The following BICC1 variants were observed in gnomAD, a reference collection of about 807,000 sequenced individuals.
BICC1 encodes the protein protein bicaudal C homolog 1.
A neutral mutation model predicts 111.0 loss-of-function variants in BICC1; 43 were observed. That is an observed-to-expected ratio of 0.39 (90% CI 0.30 to 0.50). BICC1 has a LOEUF of 0.50. Ranked by LOEUF, BICC1 falls within the 20% of genes least tolerant of loss-of-function variation. BICC1 has a pLI of 0.88. For missense variants in BICC1, 1,091 were observed against 1,203.2 expected, an observed-to-expected ratio of 0.91 and a Z score of 1.38; for synonymous variants, 467 against 434.4, an observed-to-expected ratio of 1.07 and a Z score of -0.93.
intron 1 of BICC1, among the ~76,000 whole-genome samples, chr10:58,615,911 T>G (rs910358869): frequency 5.3e-5 from 8 of 152,006 alleles, no homozygotes; most frequent in African/African-American, 1.9e-4. Context: ...GGAGTGAGCT[T>G]TTGCTGGCAG....
chr10:58,800,409 G>T lies in BICC1; in HGVS notation c.1858+83G>T. On this transcript the variant is annotated intron_variant, in intron 13 of 20. Coordinates refer to ENST00000373886, the MANE Select transcript of BICC1 (RefSeq NM_001080512.3). Reference sequence around the variant, plus strand: ...GTAGAGAGTCTATGCAGTGATTTTTGAGTTGGTTTTGCTAAACAGCTATCA... The same window carrying T: ...GTAGAGAGTCTATGCAGTGATTTTTTAGTTGGTTTTGCTAAACAGCTATCA... 1.2e-5 allele frequency: 16 copies of T among 1,389,592 alleles called. No individual in the cohort carries two copies. In the South Asian group the frequency reaches 2.5e-4, roughly 22 times the overall value. 86.1% of individuals were successfully genotyped at this position (1,389,592 alleles called of 1,614,324 possible).
chr10:58,761,684 A>G (rs1842320599), intron 3 of BICC1, among the ~76,000 whole-genome samples: 1 of 152,174 alleles, frequency 6.6e-6, no homozygotes, highest in Admixed American at 6.5e-5. Flanking sequence ...TGAGGAAAAA[A>G]TAAAAATAAA....
Position 58,608,366 on chromosome 10 carries a change from A to G in BICC1, c.191-12489A>G, listed in dbSNP as rs532120309. On this transcript the variant is annotated intron_variant, in intron 1 of 20. Transcript: ENST00000373886. The stretch of plus-strand genomic sequence containing the variant: ...TCCCCTTCCTCCCCTGGCCTGTACC[A>G]TCTGGCTCCTTCTAGGCACAGGTGC... Among the ~76,000 whole-genome samples, 4 of 152,210 alleles carry G rather than the reference A, an allele frequency of 2.6e-5. No homozygotes were observed. In the South Asian group the frequency reaches 6.2e-4, roughly 24 times the overall value.
intron 1 of BICC1, among the ~76,000 whole-genome samples, chr10:58,532,525 AATC>A (rs1351637928): frequency 6.6e-6 from 1 of 151,888 alleles, no homozygotes; most frequent in African/African-American, 2.4e-5. Flanking sequence ...ACACCAAAGA[AATC>A]AGCTGCTTCC....
intron 1 of BICC1, among the ~76,000 whole-genome samples, chr10:58,555,692 A>G (rs180759186): frequency 6.6e-6 from 1 of 152,266 alleles, no homozygotes; most frequent in Admixed American, 6.6e-5. Flanking sequence ...CATCTCTGGA[A>G]CTCAAATGAT....
intron 3 of BICC1, among the ~76,000 whole-genome samples, chr10:58,718,544 C>T (rs757380074): frequency 2.6e-5 from 4 of 152,060 alleles, no homozygotes; most frequent in Non-Finnish European, 4.4e-5. Context: ...AAACTGTTCC[C>T]TCCTCGCCAC....
At chr10:58,746,852 A>T (rs961567464) in intron 3 of BICC1, among the ~76,000 whole-genome samples, 1 of 152,194 alleles carries the variant, frequency 6.6e-6, no homozygotes, top group Non-Finnish European at 1.5e-5. Context: ...GTCAGCTGAT[A>T]TGTCAACAGC....
intron 17 of BICC1, among the ~76,000 whole-genome samples, chr10:58,811,704 C>A (rs1214504216): frequency 6.6e-6 from 1 of 152,130 alleles, no homozygotes; most frequent in East Asian, 1.9e-4. Context: ...AAACATAAAA[C>A]AAACAAGAAG....
chr10:58,624,225 A>G (rs185592576), intron 2 of BICC1, among the ~76,000 whole-genome samples: 26 of 152,266 alleles, frequency 1.7e-4, no homozygotes, highest in Admixed American at 1.7e-3. Context: ...GACACCAATT[A>G]TATTGGATTA....
chr10:58,525,729 A>G (rs886269443), intron 1 of BICC1, among the ~76,000 whole-genome samples: 1 of 151,764 alleles, frequency 6.6e-6, no homozygotes, highest in African/African-American at 2.4e-5. Context: ...TTTTTAAAGC[A>G]ATACAAGGAA....
chr10:58,715,621 T>C (rs940694496), intron 3 of BICC1: 1 of 1,605,594 alleles, frequency 6.2e-7, no homozygotes, highest in Admixed American at 1.7e-5. Context: ...AGGGGTCCAA[T>C]CCAGTCTTCA....
At chr10:58,622,790 T>G (rs192223289) in intron 2 of BICC1, among the ~76,000 whole-genome samples, 89 of 152,328 alleles carry the variant, frequency 5.8e-4, no homozygotes, top group Non-Finnish European at 3.4e-4. Flanking sequence ...GGAGAAATAC[T>G]GAATTGTCCT....
intron 1 of BICC1, among the ~76,000 whole-genome samples, chr10:58,561,764 C>G (rs897800518): frequency 6.6e-6 from 1 of 151,898 alleles, no homozygotes; most frequent in Admixed American, 6.5e-5. Flanking sequence ...AAATTTTGTC[C>G]TTTTACTTCC....
intron 2 of BICC1, among the ~76,000 whole-genome samples, chr10:58,689,564 AAT>A (rs1839853336): frequency 6.6e-6 from 1 of 152,224 alleles, no homozygotes; most frequent in Non-Finnish European, 1.5e-5. Context: ...TGAAAGGAGC[AAT>A]ATGTGTTTTA....
chr10:58,653,164 T>C (rs1033062461), intron 2 of BICC1, among the ~76,000 whole-genome samples: 2 of 152,126 alleles, frequency 1.3e-5, no homozygotes, highest in African/African-American at 2.4e-5. Flanking sequence ...TTTAGCTAGG[T>C]TGAATTGATT....
intron 3 of BICC1, among the ~76,000 whole-genome samples, chr10:58,716,999 A>G (rs1300586928): frequency 6.8e-6 from 1 of 147,164 alleles, no homozygotes; most frequent in Admixed American, 6.6e-5. Flanking sequence ...GAAAGCCCCA[A>G]AAGCTCTGGG....
chr10:58,746,458 GA>G (rs1841839604), intron 3 of BICC1, among the ~76,000 whole-genome samples: 2 of 152,134 alleles, frequency 1.3e-5, no homozygotes, highest in Non-Finnish European at 2.9e-5. Flanking sequence ...ACAGGGGTAA[GA>G]AAAACACCTA....
chr10:58,765,199 G>A (rs560821931), intron 3 of BICC1, among the ~76,000 whole-genome samples: 2 of 151,962 alleles, frequency 1.3e-5, no homozygotes, highest in South Asian at 2.1e-4. Context: ...TTTGTGCTTC[G>A]GCCTCGCAAG....
chr10:58,572,796 A>C (rs566196875), intron 1 of BICC1, among the ~76,000 whole-genome samples: 1 of 152,280 alleles, frequency 6.6e-6, no homozygotes, highest in East Asian at 1.9e-4. Context: ...AGAACACCAG[A>C]TAGCCAGAGG....
Sources: gnomAD v4.1 joint callset for allele counts (sites outside exome capture counted in the v4.1 genomes callset) on GRCh38, gnomAD v4.1.1 for gene constraint, MANE v1.5 for transcripts, NCBI Gene and HGNC (gene_info 2026-07-23, HGNC 2026-07-21) for gene names.